Variants in LMO1 observed in about 807,000 individuals in gnomAD.
LMO1 encodes LIM domain only 1.
Under a neutral mutation model 18.0 loss-of-function variants are expected in LMO1, and 10 were observed. The observed-to-expected ratio is 0.55, with a 90% CI of 0.34 to 0.94. LMO1 has a LOEUF of 0.94. Among genes scored for constraint, LMO1 ranks in the 40% least tolerant of loss-of-function variants. The pLI, the probability that LMO1 is intolerant of heterozygous loss-of-function variation, is 0.02. For missense variants in LMO1, 183 were observed against 205.7 expected, an observed-to-expected ratio of 0.89 and a Z score of 0.68; for synonymous variants, 77 against 77.9, an observed-to-expected ratio of 0.99 and a Z score of 0.06.
intron 1 of LMO1, among the ~76,000 whole-genome samples, chr11:8,257,372 T>G (rs1277994271): frequency 1.3e-5 from 2 of 152,192 alleles, no homozygotes; most frequent in Non-Finnish European, 2.9e-5. Flanking sequence ...CTTCTCCACT[T>G]CCAAAGGCCC....
chr11:8,242,980 G>A (rs1199975952), intron 1 of LMO1, among the ~76,000 whole-genome samples: 1 of 152,200 alleles, frequency 6.6e-6, no homozygotes, highest in Non-Finnish European at 1.5e-5. Context: ...GCTGGACCTA[G>A]GCAGCTGCCG....
chr11:8,224,784 C>G, intron 3 of LMO1, 63 bp from the exon 4 acceptor site: 1 of 1,074,404 alleles, frequency 9.3e-7, no homozygotes, highest in Non-Finnish European at 1.4e-6. Context: ...GGGGGGGCTG[C>G]AGACAGAAGC....
intron 1 of LMO1, among the ~76,000 whole-genome samples, chr11:8,247,833 T>C (rs985391630): frequency 6.6e-6 from 1 of 152,242 alleles, no homozygotes; most frequent in Non-Finnish European, 1.5e-5. Context: ...CAAAGTTCTA[T>C]GAGGCCCAGG....
At chr11:8,268,299 G>T, upstream of LMO1, 1 of 700,672 alleles carries the variant, frequency 1.4e-6, no homozygotes, top group Non-Finnish European at 2.1e-6. Context: ...CCCATCAGCC[G>T]GAGGAGGCCC....
Position 8,224,657 on chromosome 11 carries a change from C to A in LMO1, c.430G>T (p.Glu144Ter). Residue 144 changes from glutamate to a stop codon, truncating the protein, a stop_gained, in exon 4 of 4, where the codon GAA becomes TAA. Coordinates refer to ENST00000335790, the MANE Select transcript of LMO1 (RefSeq NM_002315.3). LOFTEE classifies it high-confidence loss of function. Reference protein sequence around the residue: ...NMILCQMDYEEGQLNGTFESQ... With the variant: ...NMILCQMDYE ...TCAAAGGTGCCATTGAGCTGCCCTT[C>A]CTCATAGTCCATCTGACACAAGATC... The A allele has an allele frequency of 6.2e-7, 1 of 1,610,884 alleles. No individual in the cohort carries two copies. Among genetic ancestry groups the A allele is most frequent in the Non-Finnish European group, 8.5e-7 (1 of 1,178,464 alleles).
In LMO1 at chr11:8,224,367, A is replaced by T. The variant is rs1952493386; in HGVS notation, c.*249T>A. 8.0e-6 allele frequency: 4 copies of T among 500,222 alleles called. No individual in the cohort carries two copies. The highest frequency in any genetic ancestry group is 1.9e-5 in the African/African-American group (1 of 52,814). 31.0% of individuals were successfully genotyped at this position (500,222 alleles called of 1,614,324 possible). A position where few individuals can be genotyped will look rare whatever the true frequency, so the allele number is the denominator to read the frequency against. On this transcript the variant is annotated 3_prime_UTR_variant, in exon 4 of 4. Transcript: ENST00000335790. ...GTAATAAAATCGCATTACATTTCTC[A>T]TAAAATAAATGTTCCCATTTATATA... is the stretch of plus-strand genomic sequence containing the variant.
At chr11:8,244,283 C>G (rs1846852049) in intron 1 of LMO1, among the ~76,000 whole-genome samples, 1 of 152,198 alleles carries the variant, frequency 6.6e-6, no homozygotes, top group South Asian at 2.1e-4. Context: ...GAAATTACAA[C>G]ATGGGCCTGG....
upstream of LMO1, among the ~76,000 whole-genome samples, chr11:8,265,346 A>C (rs1443839667): frequency 6.6e-6 from 1 of 152,148 alleles, no homozygotes; most frequent in Non-Finnish European, 1.5e-5. Context: ...GGTTTGAAGG[A>C]GACCTGGAGG....
intron 1 of LMO1, among the ~76,000 whole-genome samples, chr11:8,259,199 G>A (rs188398807): frequency 3.7e-4 from 57 of 152,306 alleles, no homozygotes; most frequent in African/African-American, 9.4e-4. Flanking sequence ...GATTCCGGAC[G>A]ACAGACCAAT....
intron 1 of LMO1, among the ~76,000 whole-genome samples, chr11:8,257,650 G>A (rs892633539): frequency 5.3e-5 from 8 of 152,232 alleles, no homozygotes; most frequent in Admixed American, 2.6e-4. Context: ...CTTTTGCCCT[G>A]TTTAAACCTC....
intron 1 of LMO1, among the ~76,000 whole-genome samples, chr11:8,256,197 G>T (rs1333641330): frequency 6.6e-6 from 1 of 152,200 alleles, no homozygotes; most frequent in Non-Finnish European, 1.5e-5. Flanking sequence ...AGACTGAGAG[G>T]CCAAAGCCAA....
upstream of LMO1, among the ~76,000 whole-genome samples, chr11:8,265,094 G>A (rs980927076): frequency 2.6e-5 from 4 of 152,190 alleles, no homozygotes; most frequent in African/African-American, 9.7e-5. Context: ...CTAGACCCAG[G>A]GAAAGAGAAA....
At chr11:8,265,386 C>A (rs1018653179), upstream of LMO1, among the ~76,000 whole-genome samples, 3 of 152,236 alleles carry the variant, frequency 2.0e-5, no homozygotes, top group South Asian at 2.1e-4. Context: ...CCCTGGGAGG[C>A]CCCAGTGCTT....
At chr11:8,241,314 C>T (rs1846787723) in intron 1 of LMO1, among the ~76,000 whole-genome samples, 1 of 152,266 alleles carries the variant, frequency 6.6e-6, no homozygotes, top group South Asian at 2.1e-4. Flanking sequence ...ATCACCGTCT[C>T]TCGATGCACT....
chr11:8,240,115 A>ACTTTCC (rs33991339), intron 1 of LMO1, among the ~76,000 whole-genome samples: 1 of 19,196 alleles, frequency 5.2e-5, no homozygotes, highest in Admixed American at 1.2e-3. Context: ...GGGAAAGTGA[A>ACTTTCC]CTTGGACCCA....
chr11:8,268,512 GCCGCCGGCCGCCTGCGCTGCTC>G, upstream of LMO1: 8 of 1,292,672 alleles, frequency 6.2e-6, no homozygotes, highest in Non-Finnish European at 6.9e-6. Context: ...TCCGACTCCC[GCCGCCGGCCGCCTGCGCTGCTC>G]CCGCCGGCCC....
intron 1 of LMO1, among the ~76,000 whole-genome samples, chr11:8,246,235 T>C (rs10840003): frequency 0.44 from 66,203 of 152,098 alleles, 15,468 homozygotes; most frequent in South Asian, 0.67. Context: ...CAAAAATTTG[T>C]ACATGAACGT....
At chr11:8,235,488 T>C (rs2134539499) in intron 1 of LMO1, among the ~76,000 whole-genome samples, 1 of 152,284 alleles carries the variant, frequency 6.6e-6, no homozygotes, top group Admixed American at 6.5e-5. Context: ...AATCAGAAAA[T>C]TATCATTGAC....
chr11:8,230,410 C>G lies in LMO1; in HGVS notation c.120G>C (p.Leu40Phe). 4 of 1,614,058 alleles carry G rather than the reference C, an allele frequency of 2.5e-6. No individual in the cohort carries two copies. The highest frequency in any genetic ancestry group is 3.4e-6 in the Non-Finnish European group (4 of 1,179,894). The part of the protein sequence containing the change: ...KIKDRYLLKA[L>F]DKYWHEDCLK... ...GGCAGTCTTCGTGCCAGTACTTGTC[C>G]AATGCCTTCAGCAGATAGCGGTCCT... Residue 40 changes from leucine to phenylalanine, a missense_variant, in exon 2 of 4, where the codon TTG becomes TTC. Leu to Phe is a conservative substitution (Grantham distance 22). Coordinates refer to ENST00000335790, the MANE Select transcript of LMO1 (RefSeq NM_002315.3).
Sources: gnomAD v4.1 joint callset for allele counts (sites outside exome capture counted in the v4.1 genomes callset) on GRCh38, gnomAD v4.1.1 for gene constraint, MANE v1.5 for transcripts, NCBI Gene and HGNC (gene_info 2026-07-23, HGNC 2026-07-21) for gene names.